The following CADM2 variants were observed in gnomAD, a reference collection of about 807,000 sequenced individuals.
The protein encoded by CADM2 is cell adhesion molecule 2.
In CADM2, 12 loss-of-function variants were observed where a neutral mutation model predicts 49.8. The ratio of observed to expected loss-of-function variants is 0.24; its 90% CI spans 0.15 to 0.39. The LOEUF (loss-of-function observed/expected upper bound fraction) is 0.39, where lower values mean the gene tolerates loss of function less well. Among genes scored for constraint, CADM2 ranks in the 10% least tolerant of loss-of-function variants. The pLI is 1.00. For synonymous variants in CADM2, 214 were observed against 175.4 expected, an observed-to-expected ratio of 1.22 and a Z score of -1.74; for missense variants, 378 against 492.3, an observed-to-expected ratio of 0.77 and a Z score of 2.20.
intron 3 of CADM2, among the ~76,000 whole-genome samples, chr3:85,861,672 G>A (rs1324535442): frequency 6.6e-6 from 1 of 152,066 alleles, no homozygotes. Context: ...GATATTTGTT[G>A]ATGGTGATAG....
chr3:85,514,767 A>C (rs2060854026), intron 1 of CADM2, among the ~76,000 whole-genome samples: 1 of 152,120 alleles, frequency 6.6e-6, no homozygotes, highest in South Asian at 2.1e-4. Context: ...ATTACCTATA[A>C]TATCTTACTT....
intron 1 of CADM2, among the ~76,000 whole-genome samples, chr3:85,716,653 C>T (rs1034861419): frequency 2.0e-5 from 3 of 152,102 alleles, no homozygotes; most frequent in African/African-American, 4.8e-5. Flanking sequence ...AATCTTTAAT[C>T]CATCTTGAGT....
intron 1 of CADM2, among the ~76,000 whole-genome samples, chr3:85,650,828 A>C (rs1004519879): frequency 2.7e-5 from 4 of 150,762 alleles, no homozygotes; most frequent in African/African-American, 9.8e-5. Context: ...ATAAAGCACC[A>C]TAAATGTTAA....
intron 1 of CADM2, among the ~76,000 whole-genome samples, chr3:85,220,067 A>G (rs1030416123): frequency 1.3e-5 from 2 of 152,150 alleles, no homozygotes; most frequent in African/African-American, 4.8e-5. Flanking sequence ...GGTTTTTAAT[A>G]TGTGCTCTTG....
At chr3:85,545,080 G>A (rs1045274693) in intron 1 of CADM2, among the ~76,000 whole-genome samples, 2 of 152,058 alleles carry the variant, frequency 1.3e-5, no homozygotes, top group Non-Finnish European at 1.5e-5. Flanking sequence ...GGCACAATGT[G>A]TCTTTAAAAG....
chr3:86,072,939 AATTT>A lies in CADM2; in HGVS notation c.*6162_*6165del, dbSNP rs1441425252. 4 of 152,024 alleles carry A rather than the reference AATTT, an allele frequency of 2.6e-5. No individual in the cohort carries two copies. The highest frequency in any genetic ancestry group is 7.2e-5 in the African/African-American group (3 of 41,416). The allele number at this position is 152,024 out of a possible 1,614,324, so 9.4% of individuals were successfully genotyped here. A position where few individuals can be genotyped will look rare whatever the true frequency, so the allele number is the denominator to read the frequency against. On this transcript the variant is annotated 3_prime_UTR_variant, in exon 10 of 10. Coordinates refer to ENST00000383699, the MANE Select transcript of CADM2 (RefSeq NM_001167675.2). ...TGTACACAATTTTAATCTTTTTACA[AATTT>A]ATTTAACTGTACCTACTGTACTTAT...
At chr3:85,363,500 T>C (rs1361882418) in intron 1 of CADM2, among the ~76,000 whole-genome samples, 1 of 152,090 alleles carries the variant, frequency 6.6e-6, no homozygotes, top group East Asian at 1.9e-4. Flanking sequence ...ACTTTCAGTG[T>C]CATTTAAAAA....
At chr3:85,766,174 A>G (rs2069647827) in intron 2 of CADM2, among the ~76,000 whole-genome samples, 1 of 152,058 alleles carries the variant, frequency 6.6e-6, no homozygotes, top group African/African-American at 2.4e-5. Flanking sequence ...TGTCTATTTT[A>G]CTTTAAAGTG....
intron 8 of CADM2, among the ~76,000 whole-genome samples, chr3:85,980,270 T>C (rs371795764): frequency 6.6e-6 from 1 of 151,470 alleles, no homozygotes; most frequent in South Asian, 2.1e-4. Context: ...GAAGGTTATG[T>C]TTAGCATTAT....
intron 1 of CADM2, among the ~76,000 whole-genome samples, chr3:85,060,443 C>T (rs1221707711): frequency 2.0e-5 from 3 of 152,142 alleles, no homozygotes; most frequent in Non-Finnish European, 4.4e-5. Flanking sequence ...AAAACAAATA[C>T]TGGTTTTGCA....
At chr3:86,054,910 G>A (rs902786524) in intron 8 of CADM2, among the ~76,000 whole-genome samples, 1 of 151,800 alleles carries the variant, frequency 6.6e-6, no homozygotes, top group Non-Finnish European at 1.5e-5. Context: ...CTTAATGGTT[G>A]TTCCTATTTA....
intron 1 of CADM2, among the ~76,000 whole-genome samples, chr3:85,160,210 TGTTGTCAAATACATCAACC>T (rs1216676263): frequency 5.3e-5 from 8 of 152,286 alleles, no homozygotes; most frequent in African/African-American, 1.9e-4. Flanking sequence ...TTATTATATC[TGTTGTCAAATACATCAACC>T]GTTACTAAAA....
intron 5 of CADM2, among the ~76,000 whole-genome samples, chr3:85,910,518 A>G (rs1187825319): frequency 6.6e-6 from 1 of 152,084 alleles, no homozygotes; most frequent in East Asian, 1.9e-4. Flanking sequence ...ATTGTACCTA[A>G]TTTTCAAGTG....
At chr3:85,097,798 C>T (rs956150637) in intron 1 of CADM2, among the ~76,000 whole-genome samples, 8 of 152,184 alleles carry the variant, frequency 5.3e-5, no homozygotes, top group African/African-American at 1.9e-4. Context: ...GTTGAGTGGT[C>T]TTTTCCTATG....
At chr3:86,036,429 C>A (rs368479955) in intron 8 of CADM2, among the ~76,000 whole-genome samples, 1 of 152,220 alleles carries the variant, frequency 6.6e-6, no homozygotes, top group East Asian at 1.9e-4. Flanking sequence ...CTTCCTACTC[C>A]CCCTTGCTAA....
chr3:85,621,281 T>C (rs1176473228), intron 1 of CADM2, among the ~76,000 whole-genome samples: 1 of 152,160 alleles, frequency 6.6e-6, no homozygotes, highest in Admixed American at 6.6e-5. Context: ...AGAGATGTTA[T>C]ATAAACCAGT....
At chr3:85,568,409 T>TTC (rs146724958) in intron 1 of CADM2, among the ~76,000 whole-genome samples, 2 of 32,356 alleles carry the variant, frequency 6.2e-5, no homozygotes, top group African/African-American at 2.0e-4. Flanking sequence ...CTTTCTTTCT[T>TTC]TCTTTCTTTC....
Position 85,200,336 on chromosome 3 carries a change from A to T in CADM2, c.61+240668A>T, listed in dbSNP as rs1324580904. ...GTACTGTTTCTGGTAAACCGTTTCC[A>T]CTCATTCGGTGAGATCTTGAACAGC... On this transcript the variant is annotated intron_variant, in intron 1 of 9. Transcript: ENST00000383699. Among the ~76,000 whole-genome samples the T allele has an allele frequency of 2.0e-5, 3 of 151,962 alleles. No individual in the cohort carries two copies. The East Asian group carries it at 5.8e-4, about 29-fold the overall frequency.
At chr3:86,031,254 T>C (rs1734525737) in intron 8 of CADM2, among the ~76,000 whole-genome samples, 1 of 151,732 alleles carries the variant, frequency 6.6e-6, no homozygotes, top group Non-Finnish European at 1.5e-5. Context: ...AAGATGAAAA[T>C]TGATAACCAG....
Sources: allele counts gnomAD v4.1 joint callset (sites outside exome capture counted in the v4.1 genomes callset), GRCh38; gene constraint gnomAD v4.1.1; transcripts MANE v1.5; gene names NCBI Gene and HGNC (gene_info 2026-07-23, HGNC 2026-07-21).